Variants in SLC27A2 observed in about 807,000 individuals in gnomAD.
The protein encoded by SLC27A2 is long-chain fatty acid transport protein 2.
Under a neutral mutation model 60.0 loss-of-function variants are expected in SLC27A2, and 54 were observed. The observed-to-expected ratio is 0.90, with a 90% CI of 0.72 to 1.13. The LOEUF (loss-of-function observed/expected upper bound fraction) is 1.13. SLC27A2 is among the 50% of genes most tolerant of loss of function. The pLI, the probability that SLC27A2 is intolerant of heterozygous loss-of-function variation, is 0.00. For missense variants in SLC27A2, 739 were observed against 777.6 expected, an observed-to-expected ratio of 0.95 and a Z score of 0.59; for synonymous variants, 297 against 297.6, an observed-to-expected ratio of 1.00 and a Z score of 0.02.
rs893264709 is a variant in SLC27A2 at position 50,205,330 on chromosome 15, T to C, written c.939T>C (p.Gly313=). The C allele has an allele frequency of 8.1e-6, 13 of 1,608,118 alleles. No homozygotes were observed. The African/African-American group carries it at 1.6e-4, about 20-fold the overall frequency. The change falls in exon 4 of 10, where the codon GGT becomes GGC. Residue 313 remains glycine, a synonymous_variant. Coordinates refer to ENST00000267842, the MANE Select transcript of SLC27A2 (RefSeq NM_003645.4). The stretch of plus-strand genomic sequence containing the variant: ...ACGTCACTGTCATTCAGTATATCGG[T>C]GAACTGCTTCGGTATTTATGCAACT... ...KYNVTVIQYI[G]ELLRYLCNSP...
intron 1 of SLC27A2, among the ~76,000 whole-genome samples, chr15:50,189,225 A>G (rs922932785): frequency 4.6e-5 from 7 of 152,202 alleles, no homozygotes. Flanking sequence ...AATCTACCCC[A>G]GGCCCAGCCT....
At chr15:50,188,982 A>AATAGATAGATAG (rs199573332) in intron 1 of SLC27A2, among the ~76,000 whole-genome samples, 68 of 135,528 alleles carry the variant, frequency 5.0e-4, no homozygotes, top group East Asian at 6.8e-4. Flanking sequence ...TAGATAGATA[A>AATAGATAGATAG]ATAGATAGAT....
At chr15:50,234,037 T>C in intron 9 of SLC27A2, 39 bp downstream of exon 9, 2 of 1,534,532 alleles carry the variant, frequency 1.3e-6, no homozygotes, top group Non-Finnish European at 1.8e-6. Flanking sequence ...ATCTGTCCTC[T>C]TGGAGATTCC....
intron 2 of SLC27A2, among the ~76,000 whole-genome samples, chr15:50,201,689 A>G (rs147030620): frequency 0.039 from 5,909 of 151,802 alleles, 158 homozygotes; most frequent in Admixed American, 0.059. Context: ...CTGAGTAGCT[A>G]GGACTATAGG....
chr15:50,192,805 G>A (rs748574738), intron 1 of SLC27A2, among the ~76,000 whole-genome samples: 1,306 of 117,442 alleles, frequency 0.011, 30 homozygotes, highest in Non-Finnish European at 0.011. Context: ...AAAAAAAGAA[G>A]AAGAAGTACA....
At chr15:50,218,822 C>A (rs539139296) in intron 4 of SLC27A2, among the ~76,000 whole-genome samples, 246 of 151,996 alleles carry the variant, frequency 1.6e-3, no homozygotes, top group African/African-American at 5.9e-3. Flanking sequence ...GAAAGAGAGA[C>A]AAAGGGACCC....
intron 4 of SLC27A2, among the ~76,000 whole-genome samples, chr15:50,209,708 G>A (rs556081129): frequency 2.0e-5 from 3 of 152,300 alleles, no homozygotes; most frequent in Admixed American, 6.5e-5. Flanking sequence ...AGGATGAAGG[G>A]CCTCTTCTGT....
chr15:50,195,327 AC>A (rs139074531), intron 1 of SLC27A2, among the ~76,000 whole-genome samples: 41 of 150,136 alleles, frequency 2.7e-4, no homozygotes, highest in Admixed American at 7.3e-4. Context: ...AAAAAAAAAA[AC>A]AAAAACAAAC....
At chr15:50,197,384 C>T in intron 1 of SLC27A2, 116 bp from the exon 2 acceptor site, 1 of 673,284 alleles carries the variant, frequency 1.5e-6, no homozygotes, top group Non-Finnish European at 2.5e-6. Flanking sequence ...TTTGTCATGC[C>T]CACACATTTA....
chr15:50,190,738 C>T (rs1350299243), intron 1 of SLC27A2, among the ~76,000 whole-genome samples: 1 of 151,814 alleles, frequency 6.6e-6, no homozygotes, highest in Admixed American at 6.6e-5. Context: ...TTTTCAACAC[C>T]CAAGTGTGTG....
intron 8 of SLC27A2, among the ~76,000 whole-genome samples, chr15:50,230,313 C>T (rs905305265): frequency 1.3e-5 from 2 of 151,560 alleles, no homozygotes; most frequent in Non-Finnish European, 2.9e-5. Context: ...GAGGCCAAGG[C>T]GGATGGATCA....
intron 5 of SLC27A2, 147 bp downstream of exon 5, chr15:50,223,306 C>T: frequency 1.8e-6 from 1 of 555,694 alleles, no homozygotes; most frequent in Non-Finnish European, 3.1e-6. Flanking sequence ...TTTGCTCATT[C>T]TCTGTGATGA....
rs1254932794 is a variant in SLC27A2, at chr15:50,182,757, T to C, written c.330T>C (p.Leu110=). 12 of 1,613,718 alleles carry C rather than the reference T, an allele frequency of 7.4e-6. No homozygotes were observed. Among genetic ancestry groups the C allele is most frequent in the Non-Finnish European group, 1.0e-5 (12 of 1,179,918 alleles). ...GLRQGDCVAL[L]MGNEPAYVWL... is the part of the protein sequence containing the mutation. ...GCCAGGGAGACTGCGTGGCGCTCCT[T>C]ATGGGTAACGAGCCGGCCTACGTGT... Residue 110 remains leucine, a synonymous_variant, in exon 1 of 10, where the codon CTT becomes CTC. Transcript: ENST00000267842.
At chr15:50,185,536 G>A (rs779660047) in intron 1 of SLC27A2, among the ~76,000 whole-genome samples, 30 of 148,188 alleles carry the variant, frequency 2.0e-4, no homozygotes, top group Admixed American at 8.8e-4. Context: ...CTATAATCCT[G>A]TAAGTTTAAT....
chr15:50,196,764 CAGATT>C, intron 1 of SLC27A2, among the ~76,000 whole-genome samples: 1 of 152,032 alleles, frequency 6.6e-6, no homozygotes, highest in East Asian at 1.9e-4. Context: ...TTTTTTCCCT[CAGATT>C]AGAAAACAGG....
intron 7 of SLC27A2, among the ~76,000 whole-genome samples, chr15:50,227,575 G>A (rs990510233): frequency 1.3e-5 from 2 of 152,202 alleles, no homozygotes; most frequent in Admixed American, 6.5e-5. Context: ...AAGAGGAGGT[G>A]AGGGGTTCGG....
intron 4 of SLC27A2, among the ~76,000 whole-genome samples, chr15:50,205,934 C>G (rs909869129): frequency 6.6e-6 from 1 of 152,128 alleles, no homozygotes; most frequent in African/African-American, 2.4e-5. Context: ...TTGAAACCAG[C>G]CAGCCAAGTC....
chr15:50,212,719 G>GT (rs1295409235), intron 4 of SLC27A2, among the ~76,000 whole-genome samples: 1 of 152,104 alleles, frequency 6.6e-6, no homozygotes, highest in Non-Finnish European at 1.5e-5. Flanking sequence ...AGATACAGTC[G>GT]TTTTCAGACA....
intron 1 of SLC27A2, among the ~76,000 whole-genome samples, chr15:50,196,095 T>A (rs1479270377): frequency 0.051 from 694 of 13,536 alleles, 142 homozygotes; most frequent in Non-Finnish European, 0.057. Flanking sequence ...TATATATATA[T>A]ATATATATAT....
Sources: gnomAD v4.1 joint callset for allele counts (sites outside exome capture counted in the v4.1 genomes callset) on GRCh38, gnomAD v4.1.1 for gene constraint, MANE v1.5 for transcripts, NCBI Gene and HGNC (gene_info 2026-07-23, HGNC 2026-07-21) for gene names.